The following ITGA8 variants were observed in gnomAD, a reference collection of about 807,000 sequenced individuals.
ITGA8 encodes integrin subunit alpha 8.
A neutral mutation model predicts 142.3 loss-of-function variants in ITGA8; 91 were observed. That is an observed-to-expected ratio of 0.64 (90% CI 0.54 to 0.76). The LOEUF (loss-of-function observed/expected upper bound fraction) is 0.76. Among genes scored for constraint, ITGA8 ranks in the 30% least tolerant of loss-of-function variants. The pLI is 0.00. For missense variants in ITGA8, 1,406 were observed against 1,327.7 expected (o/e 1.06, Z -0.92); for synonymous variants, 505 against 485.2 (o/e 1.04, Z -0.54).
chr10:15,634,103 A>G (rs189018456), intron 13 of ITGA8, among the ~76,000 whole-genome samples: 7 of 152,292 alleles, frequency 4.6e-5, no homozygotes, highest in Admixed American at 2.0e-4. Context: ...CTATCTCAGG[A>G]TCCTACTTAT....
intron 2 of ITGA8, among the ~76,000 whole-genome samples, chr10:15,701,404 G>A (rs1336515377): frequency 6.6e-6 from 1 of 152,200 alleles, no homozygotes; most frequent in Non-Finnish European, 1.5e-5. Context: ...AACTTTAGAT[G>A]GGTGGTATCA....
intron 2 of ITGA8, among the ~76,000 whole-genome samples, chr10:15,708,437 G>A (rs1434526390): frequency 6.6e-6 from 1 of 151,980 alleles, no homozygotes; most frequent in African/African-American, 2.4e-5. Context: ...ACTGAGTGTT[G>A]GTATAAACGT....
At chr10:15,539,006 G>A (rs1833514721) in intron 27 of ITGA8, among the ~76,000 whole-genome samples, 1 of 147,966 alleles carries the variant, frequency 6.8e-6, no homozygotes, top group Non-Finnish European at 1.5e-5. Flanking sequence ...ACAAGGGAAT[G>A]GACAGACTGG....
At chr10:15,613,854 G>T in intron 14 of ITGA8, 87 bp from the exon 15 acceptor site, 1 of 868,094 alleles carries the variant, frequency 1.2e-6, no homozygotes, top group Non-Finnish European at 1.9e-6. Flanking sequence ...ACTGAACTCA[G>T]TAGTAGACAG....
At position 15,637,504 on chromosome 10, in the gene ITGA8, A is replaced by AT. The variant is rs59157680; in HGVS notation, c.1399+6525dup. 7.7e-3 allele frequency among the ~76,000 whole-genome samples: 1,016 copies of AT among 131,138 alleles called. 1 individual carries two copies. The highest frequency in any genetic ancestry group is 8.8e-3 in the Admixed American group (108 of 12,230). 86.0% of individuals were successfully genotyped at this position (131,138 alleles called of 152,430 possible). A position where few individuals can be genotyped will look rare whatever the true frequency, so the allele number is the denominator to read the frequency against. On this transcript the variant is annotated intron_variant, in intron 13 of 29. Coordinates refer to ENST00000378076, the MANE Select transcript of ITGA8 (RefSeq NM_003638.3). ...TCCCCTGTTCTCACAGACTCTTTAA[A>AT]TTTTTTTTTTTTTTTTTTGTTTTTG...
rs376402297 is a variant in ITGA8 at position 15,529,672 on chromosome 10, G to A, written c.2982+1378C>T. Among the ~76,000 whole-genome samples, 7 of 152,132 alleles carry A rather than the reference G, an allele frequency of 4.6e-5. No homozygotes were observed. The East Asian group carries it at 5.8e-4, about 13-fold the overall frequency. ...AGTGATGATTCTGATGCATACTCAG[G>A]GTAGAGAAACACAAATCAAGTGGTT... On this transcript the variant is annotated intron_variant, in intron 28 of 29. Coordinates refer to ENST00000378076, the MANE Select transcript of ITGA8 (RefSeq NM_003638.3).
chr10:15,630,744 AG>A (rs1833670795), intron 13 of ITGA8, among the ~76,000 whole-genome samples: 2 of 151,994 alleles, frequency 1.3e-5, no homozygotes, highest in Non-Finnish European at 2.9e-5. Flanking sequence ...AAACATGCAG[AG>A]GGAGGGAAGA....
intron 9 of ITGA8, among the ~76,000 whole-genome samples, chr10:15,659,699 A>G (rs1262354100): frequency 6.6e-6 from 1 of 152,226 alleles, no homozygotes; most frequent in Non-Finnish European, 1.5e-5. Flanking sequence ...AAGGATCTCA[A>G]GATGAAACCA....
intron 11 of ITGA8, among the ~76,000 whole-genome samples, chr10:15,648,549 A>G (rs1564391208): frequency 6.6e-6 from 1 of 151,260 alleles, no homozygotes; most frequent in East Asian, 1.9e-4. Flanking sequence ...ATCAATAACA[A>G]TAACATAAAA....
intron 13 of ITGA8, among the ~76,000 whole-genome samples, chr10:15,627,378 C>G (rs548301929): frequency 6.6e-6 from 1 of 152,214 alleles, no homozygotes; most frequent in African/African-American, 2.4e-5. Flanking sequence ...ACCTGCTTCA[C>G]TCTTTAGTCT....
intron 2 of ITGA8, among the ~76,000 whole-genome samples, chr10:15,709,706 C>T (rs1835329011): frequency 6.6e-6 from 1 of 152,160 alleles, no homozygotes; most frequent in Admixed American, 6.5e-5. Context: ...CTGGTAAGCT[C>T]ATCTTACTCA....
intron 20 of ITGA8, among the ~76,000 whole-genome samples, chr10:15,599,219 T>C (rs573829947): frequency 1.3e-5 from 2 of 152,280 alleles, no homozygotes; most frequent in Non-Finnish European, 2.9e-5. Context: ...TTTTTCTTTT[T>C]TTAGGCATTA....
intron 28 of ITGA8, among the ~76,000 whole-genome samples, chr10:15,527,326 A>G (rs1292128512): frequency 6.6e-6 from 1 of 152,224 alleles, no homozygotes; most frequent in Non-Finnish European, 1.5e-5. Flanking sequence ...CAGTTTACAT[A>G]TGAGTTTTTA....
intron 27 of ITGA8, among the ~76,000 whole-genome samples, chr10:15,542,701 G>A (rs904013244): frequency 6.6e-6 from 1 of 152,122 alleles, no homozygotes; most frequent in Non-Finnish European, 1.5e-5. Flanking sequence ...AAAAGCTCAA[G>A]ATTCTCCCCC....
chr10:15,578,229 T>C (rs1341858590), intron 23 of ITGA8, among the ~76,000 whole-genome samples: 3 of 152,194 alleles, frequency 2.0e-5, no homozygotes, highest in Non-Finnish European at 2.9e-5. Flanking sequence ...TCCTCATTTA[T>C]ATAATTCTGT....
intron 20 of ITGA8, among the ~76,000 whole-genome samples, chr10:15,599,497 T>G: frequency 6.6e-6 from 1 of 151,470 alleles, no homozygotes; most frequent in African/African-American, 2.4e-5. Flanking sequence ...TGCAGCAGAG[T>G]TGGGAAATTT....
chr10:15,664,639 T>C (rs1336636819), intron 8 of ITGA8, among the ~76,000 whole-genome samples: 7 of 150,938 alleles, frequency 4.6e-5, no homozygotes, highest in South Asian at 2.1e-4. Context: ...TAGCATTAGG[T>C]ATATCTCCTA....
chr10:15,608,129 G>C (rs1000631330), intron 16 of ITGA8, 106 bp downstream of exon 16: 1 of 791,408 alleles, frequency 1.3e-6, no homozygotes, highest in Admixed American at 2.4e-5. Context: ...AGATATCTTG[G>C]TATTCCTCAA....
chr10:15,559,804 C>T (rs1255609664), intron 25 of ITGA8, among the ~76,000 whole-genome samples: 1 of 124,622 alleles, frequency 8.0e-6, no homozygotes, highest in Non-Finnish European at 1.6e-5. Flanking sequence ...AGGGGTACAT[C>T]ACACACTGGG....
Sources: allele counts gnomAD v4.1 joint callset (sites outside exome capture counted in the v4.1 genomes callset), GRCh38; gene constraint gnomAD v4.1.1; transcripts MANE v1.5; gene names NCBI Gene and HGNC (gene_info 2026-07-23, HGNC 2026-07-21).